TFCP2L1: variants seen among roughly 807,000 people sequenced by gnomAD.
TFCP2L1 encodes transcription factor CP2 like 1, also known as transcription factor CP2-like protein 1.
A neutral mutation model predicts 72.2 loss-of-function variants in TFCP2L1; 12 were observed. That is an observed-to-expected ratio of 0.17 (90% CI 0.11 to 0.27). TFCP2L1 has a LOEUF of 0.27. Among genes scored for constraint, TFCP2L1 ranks in the 10% least tolerant of loss-of-function variants. TFCP2L1 has a pLI of 1.00. For missense variants in TFCP2L1, 488 were observed against 624.6 expected (o/e 0.78, Z 2.33); for synonymous variants, 260 against 251.0 (o/e 1.04, Z -0.34).
chr2:121,247,286 C>A (rs1285757350), intron 5 of TFCP2L1, among the ~76,000 whole-genome samples: 1 of 152,288 alleles, frequency 6.6e-6, no homozygotes, highest in East Asian at 1.9e-4. Context: ...AGATTCCTCT[C>A]CCTTGGCAAA....
intron 10 of TFCP2L1, among the ~76,000 whole-genome samples, chr2:121,236,999 G>A (rs1021893415): frequency 2.0e-5 from 3 of 152,210 alleles, no homozygotes; most frequent in Admixed American, 6.5e-5. Flanking sequence ...TGCGGGCGTC[G>A]TTTCTCTTCC....
At position 121,218,430 on chromosome 2, in the gene TFCP2L1, G is replaced by C. The variant is rs1186018413; in HGVS notation, c.*5911C>G. 6.6e-6 allele frequency: 1 copy of C among 152,258 alleles called. No homozygotes were observed. Among genetic ancestry groups the C allele is most frequent in the African/African-American group, 2.4e-5 (1 of 41,456 alleles). 9.4% of individuals were successfully genotyped at this position (152,258 alleles called of 1,614,324 possible). A position where few individuals can be genotyped will look rare whatever the true frequency, so the allele number is the denominator to read the frequency against. On this transcript the variant is annotated 3_prime_UTR_variant, in exon 15 of 15. Transcript: ENST00000263707. ...AGCTGACAAGGGCAGTCACACACCGGTAAGTGCTGATACAGGATGAGGGGT... is the reference window on the plus strand; with the variant it reads ...AGCTGACAAGGGCAGTCACACACCGCTAAGTGCTGATACAGGATGAGGGGT...
At chr2:121,284,193 C>T (rs1200199999) in intron 1 of TFCP2L1, among the ~76,000 whole-genome samples, 1 of 152,140 alleles carries the variant, frequency 6.6e-6, no homozygotes, top group Non-Finnish European at 1.5e-5. Flanking sequence ...TCCTTGAGCC[C>T]ATATCAAATG....
rs1685950568 is a variant in TFCP2L1 at position 121,222,755 on chromosome 2, A to C, written c.*1586T>G. The C allele has an allele frequency of 6.6e-6, 1 of 152,188 alleles. No individual in the cohort carries two copies. The highest frequency in any genetic ancestry group is 6.5e-5 in the Admixed American group (1 of 15,276). The allele number at this position is 152,188 out of a possible 1,614,324, so 9.4% of individuals were successfully genotyped here. On this transcript the variant is annotated 3_prime_UTR_variant, in exon 15 of 15. Coordinates refer to ENST00000263707, the MANE Select transcript of TFCP2L1 (RefSeq NM_014553.3). The stretch of plus-strand genomic sequence containing the variant: ...GGTGGTTCTGTGAATACAATTGGAC[A>C]CTAGCAATGGGTAAACTGAATGGCA...
chr2:121,237,548 A>C, intron 10 of TFCP2L1, 75 bp downstream of exon 10: 1 of 1,522,280 alleles, frequency 6.6e-7, no homozygotes. Context: ...GTTGACAGCA[A>C]GGCCTGGAAG....
At chr2:121,246,163 G>T (rs1016479926) in intron 6 of TFCP2L1, among the ~76,000 whole-genome samples, 12 of 152,328 alleles carry the variant, frequency 7.9e-5, no homozygotes, top group Admixed American at 7.2e-4. Flanking sequence ...CCCTGAGAAT[G>T]ATGCAAGCTC....
intron 2 of TFCP2L1, among the ~76,000 whole-genome samples, chr2:121,262,837 G>A (rs752835004): frequency 6.6e-6 from 1 of 152,082 alleles, no homozygotes; most frequent in Non-Finnish European, 1.5e-5. Flanking sequence ...TATGAACATC[G>A]ACATGCTCAT....
intron 7 of TFCP2L1, among the ~76,000 whole-genome samples, chr2:121,241,238 A>C (rs946951312): frequency 6.6e-6 from 1 of 152,232 alleles, no homozygotes; most frequent in Admixed American, 6.5e-5. Context: ...TCACGCCTGT[A>C]ATCCCAGCAC....
intron 2 of TFCP2L1, among the ~76,000 whole-genome samples, chr2:121,250,557 G>C (rs1686587028): frequency 1.3e-5 from 2 of 151,500 alleles, no homozygotes; most frequent in South Asian, 4.2e-4. Flanking sequence ...TTTAATAAAG[G>C]GTGTTTTACA....
intron 2 of TFCP2L1, among the ~76,000 whole-genome samples, chr2:121,261,447 C>A (rs1449339336): frequency 6.6e-6 from 1 of 152,108 alleles, no homozygotes; most frequent in Non-Finnish European, 1.5e-5. Flanking sequence ...ACACAAGCAC[C>A]AACCCAAAGG....
chr2:121,262,151 A>G (rs1350129657), intron 2 of TFCP2L1, among the ~76,000 whole-genome samples: 1 of 152,176 alleles, frequency 6.6e-6, no homozygotes, highest in African/African-American at 2.4e-5. Context: ...CTCGTCTCTT[A>G]TTTATTAAAA....
chr2:121,266,873 ATTT>A (rs11295321), intron 2 of TFCP2L1, among the ~76,000 whole-genome samples: 1 of 150,138 alleles, frequency 6.7e-6, no homozygotes, highest in Non-Finnish European at 1.5e-5. Context: ...TAATATAATT[ATTT>A]TTTTCATTAT....
intron 6 of TFCP2L1, among the ~76,000 whole-genome samples, chr2:121,244,343 C>T (rs977587347): frequency 3.5e-4 from 54 of 152,204 alleles, no homozygotes; most frequent in Admixed American, 2.9e-3. Flanking sequence ...CTGGGGTGAC[C>T]GGCGAACGGA....
intron 6 of TFCP2L1, among the ~76,000 whole-genome samples, chr2:121,243,827 A>T (rs1686428481): frequency 6.6e-6 from 1 of 152,090 alleles, no homozygotes; most frequent in Admixed American, 6.5e-5. Flanking sequence ...TTCATTATAT[A>T]TTACGATATA....
At chr2:121,237,529 G>T in intron 10 of TFCP2L1, 94 bp downstream of exon 10, 1 of 1,394,160 alleles carries the variant, frequency 7.2e-7, no homozygotes, top group Non-Finnish European at 1.0e-6. Flanking sequence ...AAACGACAGC[G>T]CTGCCAGTGT....
intron 2 of TFCP2L1, among the ~76,000 whole-genome samples, chr2:121,263,165 A>G (rs1260496305): frequency 6.6e-6 from 1 of 151,942 alleles, no homozygotes; most frequent in Non-Finnish European, 1.5e-5. Flanking sequence ...GAACTTTCCG[A>G]CCTCAGGTGA....
intron 8 of TFCP2L1, among the ~76,000 whole-genome samples, chr2:121,238,431 G>A (rs2580350): frequency 0.52 from 78,748 of 152,174 alleles, 21,256 homozygotes; most frequent in East Asian, 0.76. Flanking sequence ...CCAGGTTGGG[G>A]ATGAGGCACA....
In TFCP2L1 at chr2:121,217,439, C is replaced by G. The variant is rs897022264; in HGVS notation, c.*6902G>C. The G allele has an allele frequency of 1.3e-5, 2 of 152,358 alleles. No homozygotes were observed. The highest frequency in any genetic ancestry group is 6.5e-5 in the Admixed American group (1 of 15,292). The allele number at this position is 152,358 out of a possible 1,614,324, so 9.4% of individuals were successfully genotyped here. On this transcript the variant is annotated 3_prime_UTR_variant, in exon 15 of 15. Transcript: ENST00000263707. ...ACAGCCGGACCTCGGACCCATCTCC[C>G]GTGGGACTCCTTCCATTTGAGGCTG...
intron 13 of TFCP2L1, among the ~76,000 whole-genome samples, chr2:121,228,154 C>T (rs1173770550): frequency 6.6e-6 from 1 of 152,250 alleles, no homozygotes; most frequent in Non-Finnish European, 1.5e-5. Context: ...GAATCGCCTA[C>T]TTAGGCGAGG....
Sources: allele counts gnomAD v4.1 joint callset (sites outside exome capture counted in the v4.1 genomes callset), GRCh38; gene constraint gnomAD v4.1.1; transcripts MANE v1.5; gene names NCBI Gene and HGNC (gene_info 2026-07-23, HGNC 2026-07-21).